The following ATXN1 variants were observed in gnomAD, a reference collection of about 807,000 sequenced individuals.
The protein encoded by ATXN1 is ataxin 1.
A neutral mutation model predicts 56.4 loss-of-function variants in ATXN1; 8 were observed. The observed-to-expected ratio is 0.14, with a 90% CI of 0.08 to 0.26. The LOEUF (loss-of-function observed/expected upper bound fraction) is 0.26. ATXN1 is among the 10% of genes least tolerant of loss of function. The pLI is 1.00. For missense variants in ATXN1, 987 were observed against 1,106.5 expected (o/e 0.89, Z 1.53); for synonymous variants, 514 against 494.6 (o/e 1.04, Z -0.52).
chr6:16,486,837 C>T (rs996474264), intron 5 of ATXN1, among the ~76,000 whole-genome samples: 3 of 152,212 alleles, frequency 2.0e-5, no homozygotes, highest in Middle Eastern at 6.8e-3. Flanking sequence ...GTTTCGTGCA[C>T]TGAATGTTTG....
chr6:16,337,037 T>C lies in ATXN1; in HGVS notation c.-160-8567A>G, dbSNP rs186059535. On this transcript the variant is annotated intron_variant, in intron 6 of 7. Transcript: ENST00000436367. Reference sequence around the variant, plus strand: ...GGAGTTGTTCTTTGATTAAGGGCCTTGAAGGGGAGGCTGGAAAGAATTCCT... The same window carrying C: ...GGAGTTGTTCTTTGATTAAGGGCCTCGAAGGGGAGGCTGGAAAGAATTCCT... Among the ~76,000 whole-genome samples, 56 of 152,264 alleles carry C rather than the reference T, an allele frequency of 3.7e-4. No individual in the cohort carries two copies. The East Asian group carries it at 0.01, about 28-fold the overall frequency.
rs12333185 is a variant in ATXN1, at chr6:16,590,811, A to C, written c.-488-4904T>G. Among the ~76,000 whole-genome samples the C allele has an allele frequency of 4.4e-3, 662 of 151,624 alleles. 5 individuals carry two copies. The highest frequency in any genetic ancestry group is 0.015 in the African/African-American group (603 of 41,366). ...CAGCCTCCTGGGTAGCTGGGACTAC[A>C]GGCACACGCCACCATGCCTGGCTAA... On this transcript the variant is annotated intron_variant, in intron 3 of 7. Coordinates refer to ENST00000436367, the MANE Select transcript of ATXN1 (RefSeq NM_001128164.2).
At chr6:16,503,697 T>C (rs1760927299) in intron 5 of ATXN1, among the ~76,000 whole-genome samples, 1 of 152,212 alleles carries the variant, frequency 6.6e-6, no homozygotes, top group East Asian at 1.9e-4. Flanking sequence ...AGTGGCTTCA[T>C]AAATATTTGT....
At chr6:16,451,703 C>A (rs1300640218) in intron 6 of ATXN1, among the ~76,000 whole-genome samples, 1 of 151,404 alleles carries the variant, frequency 6.6e-6, no homozygotes, top group Non-Finnish European at 1.5e-5. Context: ...TGCAGTGAGC[C>A]AAGATCGTGC....
intron 3 of ATXN1, among the ~76,000 whole-genome samples, chr6:16,629,227 G>A (rs1359310125): frequency 1.3e-5 from 2 of 152,248 alleles, no homozygotes; most frequent in Admixed American, 1.3e-4. Context: ...AATGACCAGC[G>A]ATATTGAGCT....
At chr6:16,320,150 C>T (rs1160626072) in intron 7 of ATXN1, among the ~76,000 whole-genome samples, 4 of 152,106 alleles carry the variant, frequency 2.6e-5, no homozygotes, top group Admixed American at 6.5e-5. Flanking sequence ...ATGAGGGCCT[C>T]GGCTATTTTT....
chr6:16,617,544 C>A (rs1008276104), intron 3 of ATXN1, among the ~76,000 whole-genome samples: 1 of 151,826 alleles, frequency 6.6e-6, no homozygotes, highest in Non-Finnish European at 1.5e-5. Context: ...AAATGCGGAT[C>A]ACGAGGTCAG....
At chr6:16,480,639 T>C (rs886313202) in intron 6 of ATXN1, among the ~76,000 whole-genome samples, 3 of 152,086 alleles carry the variant, frequency 2.0e-5, no homozygotes, top group Admixed American at 6.6e-5. Context: ...TGTAATTGAG[T>C]GAACTCTAAA....
intron 6 of ATXN1, among the ~76,000 whole-genome samples, chr6:16,392,488 T>C (rs1758374816): frequency 6.7e-6 from 1 of 150,262 alleles, no homozygotes; most frequent in Admixed American, 6.6e-5. Flanking sequence ...GCAGACATTT[T>C]TTCCAACCCA....
chr6:16,423,559 C>T (rs975657858), intron 6 of ATXN1, among the ~76,000 whole-genome samples: 3 of 152,152 alleles, frequency 2.0e-5, no homozygotes, highest in Non-Finnish European at 2.9e-5. Flanking sequence ...GAGAATTTTG[C>T]AGCTTCTTGC....
At chr6:16,428,171 T>C (rs1249381177) in intron 6 of ATXN1, among the ~76,000 whole-genome samples, 1 of 144,868 alleles carries the variant, frequency 6.9e-6, no homozygotes, top group African/African-American at 2.6e-5. Context: ...CAGGCTGGAG[T>C]GCAATGGGGC....
intron 3 of ATXN1, among the ~76,000 whole-genome samples, chr6:16,652,656 G>C (rs1758088808): frequency 6.6e-6 from 1 of 152,158 alleles, no homozygotes; most frequent in African/African-American, 2.4e-5. Context: ...TTCTGTAGCT[G>C]ACAACCTGGC....
intron 2 of ATXN1, among the ~76,000 whole-genome samples, chr6:16,661,600 T>C (rs1033566730): frequency 6.6e-6 from 1 of 152,196 alleles, no homozygotes; most frequent in Non-Finnish European, 1.5e-5. Context: ...GGACTGGATT[T>C]AGTGACTCAA....
intron 6 of ATXN1, among the ~76,000 whole-genome samples, chr6:16,445,877 T>G (rs1215122015): frequency 6.6e-6 from 1 of 151,548 alleles, no homozygotes; most frequent in Non-Finnish European, 1.5e-5. Context: ...GGCTGCATAG[T>G]ATTCCATGGT....
intron 7 of ATXN1, among the ~76,000 whole-genome samples, chr6:16,314,926 G>C (rs1760476096): frequency 6.6e-6 from 1 of 152,040 alleles, no homozygotes; most frequent in Non-Finnish European, 1.5e-5. Context: ...ATATTATTGA[G>C]GGTTCCTAAT....
Position 16,632,874 on chromosome 6 carries a change from G to A in ATXN1, c.-489+24902C>T, listed in dbSNP as rs1390892319. ...TAGCCGGGTGTGGTGGCATGCGCCTGTAATCCCAGCTACTTGGGAGGCTGA... is the reference window on the plus strand; with the variant it reads ...TAGCCGGGTGTGGTGGCATGCGCCTATAATCCCAGCTACTTGGGAGGCTGA... On this transcript the variant is annotated intron_variant, in intron 3 of 7. Transcript: ENST00000436367. 2.6e-5 allele frequency among the ~76,000 whole-genome samples: 4 copies of A among 151,934 alleles called. No homozygotes were observed. In the East Asian group the frequency reaches 7.7e-4, roughly 29 times the overall value.
intron 6 of ATXN1, among the ~76,000 whole-genome samples, chr6:16,397,060 C>T (rs1208013911): frequency 6.6e-6 from 1 of 152,150 alleles, no homozygotes; most frequent in Non-Finnish European, 1.5e-5. Flanking sequence ...TCTCAGAATG[C>T]ATTCCCATTA....
intron 4 of ATXN1, among the ~76,000 whole-genome samples, chr6:16,527,772 A>C (rs1761422830): frequency 6.6e-6 from 1 of 152,242 alleles, no homozygotes; most frequent in Admixed American, 6.5e-5. Flanking sequence ...CATTTCTTTG[A>C]CAATTCACTC....
chr6:16,409,914 G>T (rs558077622), intron 6 of ATXN1, among the ~76,000 whole-genome samples: 3 of 152,232 alleles, frequency 2.0e-5, no homozygotes, highest in African/African-American at 7.2e-5. Context: ...TGCTGGTTGC[G>T]GGTTGAGCGA....
Sources: allele counts gnomAD v4.1 joint callset (sites outside exome capture counted in the v4.1 genomes callset), GRCh38; gene constraint gnomAD v4.1.1; transcripts MANE v1.5; gene names NCBI Gene and HGNC (gene_info 2026-07-23, HGNC 2026-07-21).